PDE1C: variants seen among roughly 807,000 people sequenced by gnomAD.
PDE1C encodes the protein phosphodiesterase 1C.
A neutral mutation model predicts 93.1 loss-of-function variants in PDE1C; 62 were observed. That is an observed-to-expected ratio of 0.67 (90% CI 0.54 to 0.82). The LOEUF is 0.82. Among genes scored for constraint, PDE1C ranks in the 40% least tolerant of loss-of-function variants. PDE1C has a pLI of 0.00. For synonymous variants in PDE1C, 325 were observed against 310.1 expected, an observed-to-expected ratio of 1.05 and a Z score of -0.50; for missense variants, 742 against 884.6, an observed-to-expected ratio of 0.84 and a Z score of 2.04.
At chr7:31,822,817 T>C (rs1323650731) in intron 14 of PDE1C, among the ~76,000 whole-genome samples, 2 of 152,130 alleles carry the variant, frequency 1.3e-5, no homozygotes, top group Non-Finnish European at 2.9e-5. Flanking sequence ...ACCCATGTCC[T>C]GTAGAGTCTT....
At chr7:32,392,405 A>G (rs1450230189) in intron 1 of PDE1C, among the ~76,000 whole-genome samples, 3 of 152,336 alleles carry the variant, frequency 2.0e-5, no homozygotes, top group East Asian at 1.9e-4. Context: ...TCTTCCAGAA[A>G]ACAGAATATG....
At chr7:31,748,855 T>G (rs937093039), downstream of PDE1C, among the ~76,000 whole-genome samples, 3 of 152,216 alleles carry the variant, frequency 2.0e-5, no homozygotes, top group Admixed American at 2.0e-4. Flanking sequence ...AATCAGCATG[T>G]TGTTCCAACA....
At chr7:31,950,242 T>C (rs1807183049) in intron 2 of PDE1C, among the ~76,000 whole-genome samples, 1 of 152,156 alleles carries the variant, frequency 6.6e-6, no homozygotes, top group Non-Finnish European at 1.5e-5. Context: ...TGTGTAAAGA[T>C]AAAGAAGATG....
intron 2 of PDE1C, among the ~76,000 whole-genome samples, chr7:32,031,548 T>C (rs142842682): frequency 6.6e-6 from 1 of 152,294 alleles, no homozygotes; most frequent in East Asian, 1.9e-4. Context: ...AGTTCCTTTT[T>C]TGATCATATG....
chr7:31,738,108 A>G, the PDE1C span, among the ~76,000 whole-genome samples: 10,860 of 151,770 alleles, frequency 0.072, 443 homozygotes, highest in Non-Finnish European at 0.1. Flanking sequence ...CTCAGTGTAC[A>G]CCTCCCTCCA....
At chr7:31,833,819 A>G (rs1346677930) in intron 11 of PDE1C, among the ~76,000 whole-genome samples, 3 of 152,262 alleles carry the variant, frequency 2.0e-5, no homozygotes, top group African/African-American at 7.2e-5. Flanking sequence ...ATGATGCAAT[A>G]GAAAAGAAAA....
the PDE1C span, among the ~76,000 whole-genome samples, chr7:31,726,230 AT>A: frequency 0.16 from 24,099 of 149,784 alleles, 2,508 homozygotes; most frequent in East Asian, 0.36. Flanking sequence ...CAACATGATC[AT>A]TTTTTTTTTA....
chr7:32,312,289 A>G (rs901024536), intron 1 of PDE1C, among the ~76,000 whole-genome samples: 8 of 152,076 alleles, frequency 5.3e-5, no homozygotes, highest in African/African-American at 1.9e-4. Flanking sequence ...TTCCATGCTC[A>G]TGGGTAGGAA....
intron 1 of PDE1C, among the ~76,000 whole-genome samples, chr7:32,273,931 T>A (rs1173676243): frequency 2.0e-5 from 3 of 152,272 alleles, no homozygotes; most frequent in African/African-American, 7.2e-5. Flanking sequence ...ACAATCTCGC[T>A]GCTGCATCTT....
chr7:31,717,480 G>T, the PDE1C span, among the ~76,000 whole-genome samples: 1 of 152,228 alleles, frequency 6.6e-6, no homozygotes. Context: ...GGGGGCAGAA[G>T]GGAAGGTAGG....
rs559010427 is a variant in PDE1C, at chr7:32,419,122, T to C, written c.310+8700A>G. On this transcript the variant is annotated intron_variant, in intron 1 of 1. Coordinates refer to the PDE1C transcript ENST00000672256. Reference sequence around the variant, plus strand: ...GGTTAAAATATTTTTTAAATATCTTTACTCAGGTTCAAGGAGTTTAAAGTG... The same window carrying C: ...GGTTAAAATATTTTTTAAATATCTTCACTCAGGTTCAAGGAGTTTAAAGTG... 6.6e-5 allele frequency among the ~76,000 whole-genome samples: 10 copies of C among 152,314 alleles called. No individual in the cohort carries two copies. In the South Asian group the frequency reaches 2.1e-3, roughly 32 times the overall value.
At chr7:32,295,689 A>T (rs1196345369) in intron 1 of PDE1C, among the ~76,000 whole-genome samples, 1 of 152,148 alleles carries the variant, frequency 6.6e-6, no homozygotes, top group African/African-American at 2.4e-5. Context: ...CAGGAGATTG[A>T]GACCATCCTG....
chr7:31,754,142 A>G (rs1407391799), intron 17 of PDE1C, among the ~76,000 whole-genome samples: 1 of 152,242 alleles, frequency 6.6e-6, no homozygotes, highest in Admixed American at 6.5e-5. Context: ...TAAGCATAGG[A>G]AAAAATGCTC....
chr7:31,891,667 G>C (rs1309715136), intron 2 of PDE1C, among the ~76,000 whole-genome samples: 1 of 152,130 alleles, frequency 6.6e-6, no homozygotes. Context: ...GGATTGGAGA[G>C]AAGGGAGAGG....
chr7:31,847,946 C>A, intron 9 of PDE1C, 22 bp downstream of exon 9: 1 of 1,611,496 alleles, frequency 6.2e-7, no homozygotes, highest in Non-Finnish European at 8.5e-7. Flanking sequence ...GCCTACAAAT[C>A]TCTCTCTTTT....
chr7:31,985,763 T>C (rs989777880), intron 2 of PDE1C, among the ~76,000 whole-genome samples: 1 of 151,942 alleles, frequency 6.6e-6, no homozygotes, highest in Non-Finnish European at 1.5e-5. Flanking sequence ...ATCTTTTTTA[T>C]GGCTGCATAG....
At chr7:31,679,098 T>C in the PDE1C span, among the ~76,000 whole-genome samples, 1 of 152,210 alleles carries the variant, frequency 6.6e-6, no homozygotes, top group East Asian at 1.9e-4. Context: ...AAATATAGCT[T>C]GGAGGCAGAT....
At chr7:32,319,856 T>G (rs146262398) in intron 1 of PDE1C, among the ~76,000 whole-genome samples, 172 of 152,346 alleles carry the variant, frequency 1.1e-3, no homozygotes, top group African/African-American at 4.0e-3. Context: ...ACCTATTTCA[T>G]GTTGACTAAA....
the PDE1C span, chr7:31,707,838 C>G: frequency 6.6e-6 from 1 of 152,508 alleles, no homozygotes; most frequent in Non-Finnish European, 1.5e-5. Flanking sequence ...CCCAGATACT[C>G]TAAATGTGAA....
Sources: allele counts gnomAD v4.1 joint callset (sites outside exome capture counted in the v4.1 genomes callset), GRCh38; gene constraint gnomAD v4.1.1; transcripts MANE v1.5; gene names NCBI Gene and HGNC (gene_info 2026-07-23, HGNC 2026-07-21).